Variants in LINGO2 observed in about 807,000 individuals in gnomAD.
The protein encoded by LINGO2 is leucine rich repeat and Ig domain containing 2.
In LINGO2, 14 loss-of-function variants were observed where a neutral mutation model predicts 30.6. The observed-to-expected ratio is 0.46, with a 90% CI of 0.30 to 0.72. LINGO2 has a LOEUF of 0.72. LINGO2 is among the 30% of genes least tolerant of loss of function. LINGO2 has a pLI of 0.07. For synonymous variants in LINGO2, 317 were observed against 288.5 expected (o/e 1.10, Z -1.00); for missense variants, 729 against 751.7 (o/e 0.97, Z 0.35).
At chr9:28,909,869 A>G in the LINGO2 span, among the ~76,000 whole-genome samples, 2 of 152,072 alleles carry the variant, frequency 1.3e-5, no homozygotes, top group Non-Finnish European at 2.9e-5. Context: ...TTGTTTCAAA[A>G]TTCTGAGAGC....
Position 28,647,890 on chromosome 9 carries a change from TTTC to T in LINGO2, c.-365+22307_-365+22309del, listed in dbSNP as rs1246006482. On this transcript the variant is annotated intron_variant, in intron 1 of 5. Transcript: ENST00000379992. Reference sequence around the variant, plus strand: ...GTATGATGATATTTCTTTTTCTTTCTTTCTTTTTTTTTTTTTTTTTTACTCCTT... The same window carrying T: ...GTATGATGATATTTCTTTTTCTTTCTTTTTTTTTTTTTTTTTTTACTCCTT... Among the ~76,000 whole-genome samples, 15 of 141,334 alleles carry T rather than the reference TTTC, an allele frequency of 1.1e-4. No individual in the cohort carries two copies. The East Asian group carries it at 2.9e-3, about 27-fold the overall frequency. The allele number at this position is 141,334 out of a possible 152,430, so 92.7% of individuals were successfully genotyped here.
intron 4 of LINGO2, among the ~76,000 whole-genome samples, chr9:28,214,983 G>GT (rs1418724332): frequency 1.3e-5 from 2 of 151,548 alleles, no homozygotes; most frequent in South Asian, 2.1e-4. Context: ...CATCCTTCTT[G>GT]TTTTTTTAAG....
the LINGO2 span, among the ~76,000 whole-genome samples, chr9:29,051,704 C>A: frequency 6.6e-6 from 1 of 152,056 alleles, no homozygotes; most frequent in Non-Finnish European, 1.5e-5. Flanking sequence ...TAGTTTCTTA[C>A]ATTAAGAATA....
chr9:28,241,863 C>T (rs1821813031), intron 4 of LINGO2, among the ~76,000 whole-genome samples: 1 of 152,108 alleles, frequency 6.6e-6, no homozygotes, highest in South Asian at 2.1e-4. Flanking sequence ...CAGCAAACTG[C>T]AGCAGCCCTA....
chr9:28,288,158 T>G (rs545417546), intron 4 of LINGO2, among the ~76,000 whole-genome samples: 4 of 152,280 alleles, frequency 2.6e-5, no homozygotes, highest in Non-Finnish European at 4.4e-5. Flanking sequence ...CATTTTCACT[T>G]TGAACACCAC....
chr9:28,400,364 T>C (rs192565932), intron 2 of LINGO2, among the ~76,000 whole-genome samples: 10 of 152,266 alleles, frequency 6.6e-5, no homozygotes, highest in Non-Finnish European at 7.4e-5. Context: ...TATGAACACC[T>C]CTTTCCAGGT....
the LINGO2 span, among the ~76,000 whole-genome samples, chr9:28,980,144 T>A: frequency 6.6e-6 from 1 of 152,094 alleles, no homozygotes; most frequent in Non-Finnish European, 1.5e-5. Flanking sequence ...CCTTTTTTCC[T>A]TCACACTGTA....
chr9:28,875,400 G>C, the LINGO2 span, among the ~76,000 whole-genome samples: 1 of 152,076 alleles, frequency 6.6e-6, no homozygotes, highest in East Asian at 1.9e-4. Context: ...ATTTCATCCT[G>C]AACACTCTGG....
chr9:28,220,389 A>C (rs538329834), intron 4 of LINGO2, among the ~76,000 whole-genome samples: 2 of 152,178 alleles, frequency 1.3e-5, no homozygotes, highest in African/African-American at 4.8e-5. Context: ...TTATCACACA[A>C]AAGCAAGTTC....
intron 5 of LINGO2, among the ~76,000 whole-genome samples, chr9:27,991,528 G>A (rs984524276): frequency 2.0e-5 from 3 of 152,152 alleles, no homozygotes; most frequent in South Asian, 2.1e-4. Flanking sequence ...GATGCTAGGC[G>A]TCAAGGCATC....
chr9:29,158,604 A>G, the LINGO2 span, among the ~76,000 whole-genome samples: 704 of 152,216 alleles, frequency 4.6e-3, 4 homozygotes, highest in African/African-American at 0.016. Flanking sequence ...ATTCATCTCT[A>G]TTGTGGAAGA....
chr9:28,561,749 G>GTATA (rs1554637723), intron 1 of LINGO2, among the ~76,000 whole-genome samples: 1,911 of 48,698 alleles, frequency 0.039, 291 homozygotes, highest in Middle Eastern at 0.051. Context: ...GTGTGTGTGT[G>GTATA]TATATATATA....
chr9:28,262,706 G>A (rs1443459591), intron 4 of LINGO2, among the ~76,000 whole-genome samples: 1 of 104,656 alleles, frequency 9.6e-6, no homozygotes, highest in African/African-American at 3.3e-5. Flanking sequence ...ACATGTGAAT[G>A]TTAAAAGAAT....
the LINGO2 span, among the ~76,000 whole-genome samples, chr9:28,819,352 C>T: frequency 9.2e-5 from 14 of 152,128 alleles, no homozygotes; most frequent in African/African-American, 3.1e-4. Context: ...CATCCTTCTT[C>T]CCCTCCCCTC....
At chr9:28,740,301 ATTGATTTTCTGTCTAGTGT>A in the LINGO2 span, among the ~76,000 whole-genome samples, 1 of 151,596 alleles carries the variant, frequency 6.6e-6, no homozygotes, top group Non-Finnish European at 1.5e-5. Flanking sequence ...CTGTCTACTT[ATTGATTTTCTGTCTAGTGT>A]TTCTATTCAT....
At chr9:29,141,993 A>C in the LINGO2 span, among the ~76,000 whole-genome samples, 8 of 151,922 alleles carry the variant, frequency 5.3e-5, no homozygotes, top group African/African-American at 1.9e-4. Flanking sequence ...TAATGAATAG[A>C]AAAACCAGAC....
At chr9:28,606,583 T>A (rs1389863992) in intron 1 of LINGO2, among the ~76,000 whole-genome samples, 2 of 152,090 alleles carry the variant, frequency 1.3e-5, no homozygotes, top group Non-Finnish European at 1.5e-5. Context: ...TTTGTTTGTC[T>A]TGATACAATC....
At chr9:29,011,910 G>A in the LINGO2 span, among the ~76,000 whole-genome samples, 2 of 152,086 alleles carry the variant, frequency 1.3e-5, no homozygotes, top group African/African-American at 4.8e-5. Context: ...AATGGCAATG[G>A]CAAAATTTGT....
intron 4 of LINGO2, among the ~76,000 whole-genome samples, chr9:28,251,586 T>C (rs924591803): frequency 4.0e-5 from 6 of 151,812 alleles, no homozygotes; most frequent in African/African-American, 1.2e-4. Context: ...GCAATCTCTT[T>C]AGCAGATTGT....
Sources: allele counts gnomAD v4.1 joint callset (sites outside exome capture counted in the v4.1 genomes callset), GRCh38; gene constraint gnomAD v4.1.1; transcripts MANE v1.5; gene names NCBI Gene and HGNC (gene_info 2026-07-23, HGNC 2026-07-21).